Variants in TRAK1 observed in about 807,000 individuals in gnomAD.
The protein encoded by TRAK1 is trafficking kinesin protein 1, also known as trafficking kinesin-binding protein 1.
In TRAK1, 33 loss-of-function variants were observed where a neutral mutation model predicts 92.1. The observed-to-expected ratio is 0.36, with a 90% CI of 0.27 to 0.48. The LOEUF (loss-of-function observed/expected upper bound fraction) is 0.48. Among genes scored for constraint, TRAK1 ranks in the 20% least tolerant of loss-of-function variants. TRAK1 has a pLI of 0.99. For synonymous variants in TRAK1, 521 were observed against 517.3 expected (o/e 1.01, Z -0.10); for missense variants, 1,123 against 1,257.9 (o/e 0.89, Z 1.62).
chr3:42,078,846 G>A (rs759512565), intron 1 of TRAK1, among the ~76,000 whole-genome samples: 1 of 152,108 alleles, frequency 6.6e-6, no homozygotes, highest in Non-Finnish European at 1.5e-5. Flanking sequence ...GATTCCATAT[G>A]CTGTCATTGG....
At chr3:42,188,008 T>C (rs1286254454) in intron 4 of TRAK1, 37 bp from the exon 5 acceptor site, 1 of 1,588,662 alleles carries the variant, frequency 6.3e-7, no homozygotes, top group East Asian at 2.2e-5. Context: ...GTATCACCTT[T>C]TGGGAAGCAA....
chr3:42,158,701 T>A (rs969711366), intron 2 of TRAK1, among the ~76,000 whole-genome samples: 15 of 147,240 alleles, frequency 1.0e-4, no homozygotes, highest in African/African-American at 3.5e-4. Flanking sequence ...CCCAGCACTT[T>A]GGGAGGCTGA....
chr3:42,191,561 A>G lies in TRAK1; in HGVS notation c.694A>G (p.Ser232Gly). The change falls in exon 7 of 16, where the codon AGC (serine) becomes GGC (glycine). Residue 232 changes from serine (S) to glycine (G), a missense_variant. Ser to Gly is a moderately conservative substitution (Grantham distance 56). Around this residue, in one of 3 missense-constraint regions of TRAK1, gnomAD observed 686 missense variants for 747.6 expected, o/e 0.92. Coordinates refer to ENST00000327628, the MANE Select transcript of TRAK1 (RefSeq NM_001042646.3). ...EENVVLRSEA[S>G]QLKTETITYE... ...CTGACCTGGGTCTTGTCTACAGGCCAGCCAGCTGAAGACAGAGACCATCAC... is the reference window on the plus strand; with the variant it reads ...CTGACCTGGGTCTTGTCTACAGGCCGGCCAGCTGAAGACAGAGACCATCAC... 2 of 1,592,926 alleles carry G rather than the reference A, an allele frequency of 1.3e-6. No individual in the cohort carries two copies. Among genetic ancestry groups the G allele is most frequent in the Non-Finnish European group, 1.7e-6 (2 of 1,169,248 alleles).
intron 1 of TRAK1, among the ~76,000 whole-genome samples, chr3:42,060,321 T>C (rs1227097754): frequency 2.7e-5 from 3 of 110,844 alleles, no homozygotes; most frequent in African/African-American, 1.1e-4. Flanking sequence ...CAGAGATGGC[T>C]ACAGCACCAC....
intron 2 of TRAK1, among the ~76,000 whole-genome samples, chr3:42,143,373 T>C (rs1449932684): frequency 6.6e-6 from 1 of 152,008 alleles, no homozygotes; most frequent in African/African-American, 2.4e-5. Flanking sequence ...CATTCACTTA[T>C]TGAGAAGTGG....
rs1361674011 is a variant in TRAK1 at position 42,013,803 on chromosome 3, G to C, written c.-833G>C. 1 of 150,110 alleles carries C rather than the reference G, an allele frequency of 6.7e-6. No homozygotes were observed. Among genetic ancestry groups the C allele is most frequent in the African/African-American group, 2.4e-5 (1 of 41,096 alleles). 9.3% of individuals were successfully genotyped at this position (150,110 alleles called of 1,614,324 possible). ...CGCGCCTCAAGCGAGGCGTCCCCCA[G>C]AGTGGGGCCGCGCGCGGGAGAGCCG... On this transcript the variant is annotated 5_prime_UTR_variant, in exon 1 of 17. Coordinates refer to the TRAK1 transcript ENST00000487159. This position sits in a 1 kb window ranked among gnomAD's most constrained non-coding sequence, Gnocchi z 5.1.
chr3:42,166,436 G>A (rs1019567094), intron 2 of TRAK1, among the ~76,000 whole-genome samples: 1 of 152,168 alleles, frequency 6.6e-6, no homozygotes, highest in African/African-American at 2.4e-5. Context: ...CCAGTCTGGG[G>A]CAGGGTGGCT....
At chr3:42,097,904 C>T (rs1248312957) in intron 1 of TRAK1, among the ~76,000 whole-genome samples, 1 of 152,240 alleles carries the variant, frequency 6.6e-6, no homozygotes, top group Non-Finnish European at 1.5e-5. Context: ...GTGGAGGTCT[C>T]ACCTTGTAAA....
At chr3:42,101,671 C>T (rs1239614649) in intron 1 of TRAK1, among the ~76,000 whole-genome samples, 2 of 152,132 alleles carry the variant, frequency 1.3e-5, no homozygotes, top group African/African-American at 4.8e-5. Context: ...ATAGACATTC[C>T]CTAGAGGAAT....
At chr3:42,025,574 T>A (rs1197214136) in intron 1 of TRAK1, among the ~76,000 whole-genome samples, 1 of 151,998 alleles carries the variant, frequency 6.6e-6, no homozygotes, top group Non-Finnish European at 1.5e-5. Flanking sequence ...GAAGAATGTG[T>A]CTGTTCAAAG....
At chr3:42,103,814 G>T (rs1707147279) in intron 1 of TRAK1, among the ~76,000 whole-genome samples, 1 of 152,162 alleles carries the variant, frequency 6.6e-6, no homozygotes, top group South Asian at 2.1e-4. Flanking sequence ...GAGGTACTGG[G>T]TTCATCTCAC....
intron 1 of TRAK1, among the ~76,000 whole-genome samples, chr3:42,073,707 C>G (rs961677962): frequency 2.0e-5 from 3 of 152,186 alleles, no homozygotes; most frequent in African/African-American, 7.2e-5. Flanking sequence ...CTCCTCATCT[C>G]CCACCTGTTC....
rs367607651 is a variant in TRAK1, at chr3:42,223,552, G to A, written c.2677G>A (p.Gly893Ser). 67 of 1,613,818 alleles carry A rather than the reference G, an allele frequency of 4.2e-5. No individual in the cohort carries two copies. The African/African-American group carries it at 7.7e-4, about 19-fold the overall frequency. The change falls in exon 16 of 16, where the codon GGC becomes AGC. Residue 893 changes from glycine (G) to serine (S), a missense_variant. Around this residue, in one of 3 missense-constraint regions of TRAK1, gnomAD observed 401 missense variants for 438.9 expected, o/e 0.91. Transcript: ENST00000327628. This position sits in a 1 kb window ranked among gnomAD's most constrained non-coding sequence, Gnocchi z 6.1. The part of the protein sequence containing the change: ...ALVPRGLVPE[G>S]LPLRCPTVTS... ...TGTTCCCAGAGGCCTGGTACCTGAG[G>A]GCCTGCCCCTCAGATGCCCCACTGT...
intron 1 of TRAK1, among the ~76,000 whole-genome samples, chr3:42,026,549 G>T (rs1701926005): frequency 7.0e-6 from 1 of 143,774 alleles, no homozygotes; most frequent in Non-Finnish European, 1.5e-5. Context: ...TTTTGAGACA[G>T]AGTCTCACTC....
At chr3:42,091,856 A>T (rs1184555783) in intron 1 of TRAK1, among the ~76,000 whole-genome samples, 1 of 152,056 alleles carries the variant, frequency 6.6e-6, no homozygotes, top group Admixed American at 6.5e-5. Context: ...GGCTGAGTTG[A>T]GCCCAGACCC....
chr3:42,032,069 G>C (rs114746730), intron 1 of TRAK1, among the ~76,000 whole-genome samples: 1 of 152,166 alleles, frequency 6.6e-6, no homozygotes, highest in African/African-American at 2.4e-5. Flanking sequence ...TCACCCGCAG[G>C]CCTGGAGAGA....
chr3:42,173,396 T>C (rs757412993), intron 2 of TRAK1, among the ~76,000 whole-genome samples: 9 of 152,116 alleles, frequency 5.9e-5, no homozygotes, highest in Non-Finnish European at 1.2e-4. Flanking sequence ...GAAGGCATGG[T>C]TTATTATTTT....
intron 1 of TRAK1, among the ~76,000 whole-genome samples, chr3:42,018,082 T>A (rs1436237936): frequency 1.2e-5 from 1 of 81,784 alleles, no homozygotes; most frequent in East Asian, 3.7e-4. Flanking sequence ...GAGACCTCAT[T>A]GTTACAAAAA....
chr3:42,099,603 A>G (rs1434648503), intron 1 of TRAK1, among the ~76,000 whole-genome samples: 1 of 152,198 alleles, frequency 6.6e-6, no homozygotes, highest in Non-Finnish European at 1.5e-5. Context: ...CCAGCCACGC[A>G]GAGAGGGAGA....
Sources: allele counts gnomAD v4.1 joint callset (sites outside exome capture counted in the v4.1 genomes callset), GRCh38; gene constraint gnomAD v4.1.1; regional missense constraint gnomAD v4.1.1; non-coding constraint Gnocchi (gnomAD v3.1); transcripts MANE v1.5; gene names NCBI Gene and HGNC (gene_info 2026-07-23, HGNC 2026-07-21).